Variants in WDR83OS observed in about 807,000 individuals in gnomAD.
The protein encoded by WDR83OS is PAT complex subunit Asterix.
WDR83OS carries 15 observed loss-of-function variants against 13.7 expected under a neutral mutation model. That is an observed-to-expected ratio of 1.09 (90% confidence interval 0.73 to 1.69). The LOEUF (loss-of-function observed/expected upper bound fraction) is 1.69. Among genes scored for constraint, WDR83OS ranks in the 40% most tolerant of loss-of-function variants. The pLI, the probability that WDR83OS is intolerant of heterozygous loss-of-function variation, is 0.00. For missense variants in WDR83OS, 145 were observed against 143.2 expected, an observed-to-expected ratio of 1.01 and a Z score of -0.06; for synonymous variants, 68 against 52.9, an observed-to-expected ratio of 1.29 and a Z score of -1.24.
rs770350219 is a variant in WDR83OS, at chr19:12,669,394, T to C, written c.10A>G (p.Asn4Asp). 2 of 1,598,368 alleles carry C rather than the reference T, an allele frequency of 1.3e-6. No homozygotes were observed. Among genetic ancestry groups the C allele is most frequent in the Non-Finnish European group, 1.7e-6 (2 of 1,171,806 alleles). Residue 4 changes from asparagine (N) to aspartate (D), a missense_variant, in exon 1 of 4, where the codon AAC (asparagine) becomes GAC (aspartate). Transcript: ENST00000596731. MST[N>D]NMSDPRRPNK... ...GGCCTCCGTGGGTCCGACATATTGT[T>C]AGTGGACATAGCGAGTCGAAGGCCA...
intron 1 of WDR83OS, 46 bp from the exon 2 acceptor site, chr19:12,669,279 GAT>G: frequency 1.2e-6 from 2 of 1,609,420 alleles, no homozygotes; most frequent in Non-Finnish European, 1.7e-6. Context: ...CTGCCCCCGG[GAT>G]AGACAGGCGC....
In WDR83OS at chr19:12,668,579, G is replaced by A. The variant is rs778302399; in HGVS notation, c.195C>T (p.Phe65=). ...WCAWVAVYCS[F]ISFANSRSSE... The stretch of plus-strand genomic sequence containing the variant: ...AGCTCCGAGAGTTGGCAAAGCTGAT[G>A]AAGGAGCAGTAGACAGCGACCCAAG... Residue 65 remains phenylalanine (F), a synonymous_variant, in exon 3 of 4, where the codon TTC becomes TTT. Coordinates refer to ENST00000596731, the MANE Select transcript of WDR83OS (RefSeq NM_016145.4). The A allele has an allele frequency of 4.3e-6, 7 of 1,614,028 alleles. No homozygotes were observed. The African/African-American group carries it at 9.3e-5, about 22-fold the overall frequency.
chr19:12,669,087 C>T, intron 2 of WDR83OS, 41 bp downstream of exon 2: 6 of 1,594,942 alleles, frequency 3.8e-6, no homozygotes, highest in Non-Finnish European at 5.2e-6. Context: ...GGGCCTCGTT[C>T]TCAGGTCCAA....
chr19:12,668,141 C>G lies in WDR83OS; in HGVS notation c.*218G>C, dbSNP rs2024306713. On this transcript the variant is annotated 3_prime_UTR_variant, in exon 4 of 4. Coordinates refer to ENST00000596731, the MANE Select transcript of WDR83OS (RefSeq NM_016145.4). ...AAATGAATACCCCTAGAAACATGGA[C>G]AGCATCTCCCCCAGCAGCAGGCAGG... is the stretch of plus-strand genomic sequence containing the variant. 1.1e-5 allele frequency: 6 copies of G among 558,934 alleles called. No individual in the cohort carries two copies. Among genetic ancestry groups the G allele is most frequent in the Admixed American group, 3.1e-5 (1 of 32,166 alleles). The allele number at this position is 558,934 out of a possible 1,614,324, so 34.6% of individuals were successfully genotyped here. A position where few individuals can be genotyped will look rare whatever the true frequency, so the allele number is the denominator to read the frequency against.
At chr19:12,668,718 G>GC in intron 2 of WDR83OS, 101 bp from the exon 3 acceptor site, 2 of 1,001,082 alleles carry the variant, frequency 2.0e-6, no homozygotes, top group Non-Finnish European at 3.1e-6. Flanking sequence ...GATTCCATCT[G>GC]ATGCAGCTGG....
chr19:12,668,242 C>G lies in WDR83OS; in HGVS notation c.*117G>C, dbSNP rs965608369. The stretch of plus-strand genomic sequence containing the variant: ...GGTTCCCTCTATCCAGCTGGGGGCA[C>G]CGAGACGGCCTCATTCAGGGAAGTC... On this transcript the variant is annotated 3_prime_UTR_variant, in exon 4 of 4. Transcript: ENST00000596731. 30 of 1,097,344 alleles carry G rather than the reference C, an allele frequency of 2.7e-5. No homozygotes were observed. Among genetic ancestry groups the G allele is most frequent in the Non-Finnish European group, 4.0e-5 (30 of 758,130 alleles). 68.0% of individuals were successfully genotyped at this position (1,097,344 alleles called of 1,614,324 possible). A position where few individuals can be genotyped will look rare whatever the true frequency, so the allele number is the denominator to read the frequency against.
chr19:12,668,871 T>A (rs905817197), intron 2 of WDR83OS, among the ~76,000 whole-genome samples: 1 of 152,120 alleles, frequency 6.6e-6, no homozygotes, highest in African/African-American at 2.4e-5. Context: ...CCTGCCCTTT[T>A]TCCACAACTC....
chr19:12,668,243 C>G lies in WDR83OS; in HGVS notation c.*116G>C, dbSNP rs527275748. On this transcript the variant is annotated 3_prime_UTR_variant, in exon 4 of 4. Coordinates refer to ENST00000596731, the MANE Select transcript of WDR83OS (RefSeq NM_016145.4). ...GTTCCCTCTATCCAGCTGGGGGCAC[C>G]GAGACGGCCTCATTCAGGGAAGTCC... is the stretch of plus-strand genomic sequence containing the variant. 1.6e-5 allele frequency: 18 copies of G among 1,107,266 alleles called. No homozygotes were observed. In the African/African-American group the frequency reaches 2.7e-4, roughly 17 times the overall value. 68.6% of individuals were successfully genotyped at this position (1,107,266 alleles called of 1,614,324 possible).
chr19:12,668,321 A>T lies in WDR83OS; in HGVS notation c.*38T>A. ...AGCAGCCAAAGCCCAGGCCTAGTGG[A>T]TAGACAGGGTCCAAAATGTGACCCT... On this transcript the variant is annotated 3_prime_UTR_variant, in exon 4 of 4. Coordinates refer to ENST00000596731, the MANE Select transcript of WDR83OS (RefSeq NM_016145.4). 6.3e-7 allele frequency: 1 copy of T among 1,587,778 alleles called. No individual in the cohort carries two copies. The highest frequency in any genetic ancestry group is 8.6e-7 in the Non-Finnish European group (1 of 1,166,892).
chr19:12,668,443 T>C lies in WDR83OS; in HGVS notation c.255-18A>G. 6.2e-7 allele frequency: 1 copy of C among 1,612,814 alleles called. No homozygotes were observed. On this transcript the variant is annotated intron_variant, in intron 3 of 3. Transcript: ENST00000596731. ...TGGACAGCCTGAGACAGGAGAGAGG[T>C]GTCAGTCTAGGATGGCCAGGCTGGG...
rs1164442928 is a variant in WDR83OS, at chr19:12,668,623, G to A, written c.157-6C>T. 1 of 1,613,480 alleles carries A rather than the reference G, an allele frequency of 6.2e-7. No homozygotes were observed. The highest frequency in any genetic ancestry group is 8.5e-7 in the Non-Finnish European group (1 of 1,179,620). ...ACCCAAGCACACCACTTCAGCTAGG[G>A]AAAGGTAAGTGGGTGGGCAGGTTAG... On this transcript the variant is annotated splice_region_variant and splice_polypyrimidine_tract_variant and intron_variant, in intron 2 of 3. Coordinates refer to ENST00000596731, the MANE Select transcript of WDR83OS (RefSeq NM_016145.4).
chr19:12,669,272 C>A (rs770718756), intron 1 of WDR83OS, 39 bp from the exon 2 acceptor site: 1 of 1,609,792 alleles, frequency 6.2e-7, no homozygotes, highest in African/African-American at 1.3e-5. Flanking sequence ...TCAGGTCCTG[C>A]CCCCGGGATA....
chr19:12,669,080 C>A, intron 2 of WDR83OS, 48 bp downstream of exon 2: 1 of 1,586,732 alleles, frequency 6.3e-7, no homozygotes, highest in Non-Finnish European at 8.6e-7. Context: ...CGCCCCCGGG[C>A]CTCGTTCTCA....
intron 2 of WDR83OS, 52 bp downstream of exon 2, chr19:12,669,076 C>T (rs1306765973): frequency 3.9e-5 from 62 of 1,580,006 alleles, no homozygotes; most frequent in Non-Finnish European, 3.9e-5. Flanking sequence ...AACCCGCCCC[C>T]GGGCCTCGTT....
Position 12,668,357 on chromosome 19 carries a change from T to A in WDR83OS, c.*2A>T. ...CCAAAATGTGACCCTTCTAGGCTGGTATCACCATGGGGGCGTCATGGGCTG... is the reference window on the plus strand; with the variant it reads ...CCAAAATGTGACCCTTCTAGGCTGGAATCACCATGGGGGCGTCATGGGCTG... On this transcript the variant is annotated 3_prime_UTR_variant, in exon 4 of 4. Coordinates refer to ENST00000596731, the MANE Select transcript of WDR83OS (RefSeq NM_016145.4). 1.2e-6 allele frequency: 2 copies of A among 1,611,428 alleles called. No individual in the cohort carries two copies. The highest frequency in any genetic ancestry group is 1.7e-6 in the Non-Finnish European group (2 of 1,179,164).
chr19:12,668,706 C>T (rs1301975095), intron 2 of WDR83OS, 89 bp from the exon 3 acceptor site: 2 of 1,050,666 alleles, frequency 1.9e-6, no homozygotes, highest in Non-Finnish European at 2.9e-6. Context: ...ATCATGCCCA[C>T]TGATTCCATC....
rs1022819390 is a variant in WDR83OS at position 12,668,186 on chromosome 19, T to A, written c.*173A>T. 3.3e-6 allele frequency: 2 copies of A among 606,648 alleles called. No individual in the cohort carries two copies. The highest frequency in any genetic ancestry group is 3.0e-5 in the Admixed American group (1 of 33,004). The allele number at this position is 606,648 out of a possible 1,614,324, so 37.6% of individuals were successfully genotyped here. Reference sequence around the variant, plus strand: ...GGCAGGGGAAGGGAGGCAGGAGGGGTAAGCCTAGGGTGTTCCCTAGGAAAG... The same window carrying A: ...GGCAGGGGAAGGGAGGCAGGAGGGGAAAGCCTAGGGTGTTCCCTAGGAAAG... On this transcript the variant is annotated 3_prime_UTR_variant, in exon 4 of 4. Transcript: ENST00000596731.
At chr19:12,668,720 TG>T in intron 2 of WDR83OS, 103 bp from the exon 3 acceptor site, 1 of 982,656 alleles carries the variant, frequency 1.0e-6, no homozygotes, top group Non-Finnish European at 1.6e-6. Flanking sequence ...TTCCATCTGA[TG>T]CAGCTGGGAC....
At chr19:12,669,015 G>T (rs752884467) in intron 2 of WDR83OS, 113 bp downstream of exon 2, 13 of 1,118,452 alleles carry the variant, frequency 1.2e-5, no homozygotes, top group Non-Finnish European at 1.6e-5. Flanking sequence ...ACTCCCGGCC[G>T]ATCTCAGGTC....
Sources: gnomAD v4.1 joint callset for allele counts (sites outside exome capture counted in the v4.1 genomes callset) on GRCh38, gnomAD v4.1.1 for gene constraint, MANE v1.5 for transcripts, NCBI Gene and HGNC (gene_info 2026-07-23, HGNC 2026-07-21) for gene names.